Variants in NME7 observed in about 807,000 individuals in gnomAD.
NME7 encodes the protein nucleoside diphosphate kinase 7.
Under a neutral mutation model 49.1 loss-of-function variants are expected in NME7, and 41 were observed. The ratio of observed to expected loss-of-function variants is 0.83; its 90% confidence interval spans 0.65 to 1.08. The LOEUF (loss-of-function observed/expected upper bound fraction) is 1.08, where lower values mean the gene tolerates loss of function less well. Ranked by LOEUF, NME7 falls within the 50% of genes least tolerant of loss-of-function variation. The pLI, the probability that NME7 is intolerant of heterozygous loss-of-function variation, is 0.00. For synonymous variants in NME7, 139 were observed against 150.6 expected (o/e 0.92, Z 0.56); for missense variants, 423 against 463.4 (o/e 0.91, Z 0.80).
intron 11 of NME7, among the ~76,000 whole-genome samples, chr1:169,163,219 A>C (rs922152199): frequency 6.6e-6 from 1 of 152,054 alleles, no homozygotes; most frequent in Non-Finnish European, 1.5e-5. Context: ...AGTGGAGAAG[A>C]GGGGAGGCGT....
chr1:169,139,101 G>A (rs926512401), intron 11 of NME7, among the ~76,000 whole-genome samples: 4 of 152,134 alleles, frequency 2.6e-5, no homozygotes, highest in African/African-American at 9.7e-5. Flanking sequence ...GGTATTCTCT[G>A]AGAGTTTTCT....
intron 4 of NME7, among the ~76,000 whole-genome samples, chr1:169,308,396 G>A (rs1651261621): frequency 6.6e-6 from 1 of 152,084 alleles, no homozygotes; most frequent in African/African-American, 2.4e-5. Context: ...GAAGATATCT[G>A]ACCAAAAACA....
rs954196039 is a variant in NME7, at chr1:169,266,265, A to G, written c.754+21038T>C. Among the ~76,000 whole-genome samples, 18 of 133,908 alleles carry G rather than the reference A, an allele frequency of 1.3e-4. 1 individual carries two copies. The highest frequency in any genetic ancestry group is 4.6e-4 in the African/African-American group (18 of 39,472). 87.8% of individuals were successfully genotyped at this position (133,908 alleles called of 152,430 possible). A position where few individuals can be genotyped will look rare whatever the true frequency, so the allele number is the denominator to read the frequency against. On this transcript the variant is annotated intron_variant, in intron 7 of 11. Transcript: ENST00000367811. ...CAGCACATCAAAAAGTGAATCCACC[A>G]TGATCAAGTAGGCTTTATCCTTGGG... is the stretch of plus-strand genomic sequence containing the variant.
At chr1:169,350,289 A>G (rs868512119) in intron 1 of NME7, among the ~76,000 whole-genome samples, 242 of 20,544 alleles carry the variant, frequency 0.012, 1 homozygote, top group African/African-American at 0.034. Context: ...AAGGAAGGAA[A>G]GAGCCCTGCT....
At chr1:169,251,161 T>C (rs1224118898) in intron 7 of NME7, among the ~76,000 whole-genome samples, 2 of 152,148 alleles carry the variant, frequency 1.3e-5, no homozygotes, top group Non-Finnish European at 2.9e-5. Context: ...GCTCCAGTGT[T>C]AAGTGTATAT....
chr1:169,330,468 A>G (rs1451317247), intron 1 of NME7, among the ~76,000 whole-genome samples: 1 of 152,162 alleles, frequency 6.6e-6, no homozygotes, highest in Non-Finnish European at 1.5e-5. Context: ...TCACGAGGTC[A>G]GGAGTTCAAG....
chr1:169,190,522 CT>C (rs34764111), intron 10 of NME7: 1,108 of 246,198 alleles, frequency 4.5e-3, no homozygotes, highest in South Asian at 9.9e-3. Flanking sequence ...AATTTTTCTT[CT>C]TTTTTTTTTG....
At chr1:169,164,083 C>T (rs1313235790) in intron 11 of NME7, among the ~76,000 whole-genome samples, 1 of 149,706 alleles carries the variant, frequency 6.7e-6, no homozygotes, top group African/African-American at 2.5e-5. Flanking sequence ...GCACTCCAGC[C>T]TGGGCAACAG....
chr1:169,227,526 T>G (rs1349935909), intron 10 of NME7, among the ~76,000 whole-genome samples: 2 of 152,220 alleles, frequency 1.3e-5, no homozygotes, highest in Non-Finnish European at 2.9e-5. Context: ...AAGAAATAAC[T>G]AAGTTCTGAA....
intron 1 of NME7, among the ~76,000 whole-genome samples, chr1:169,351,451 C>T (rs570109068): frequency 1.3e-5 from 2 of 151,232 alleles, no homozygotes; most frequent in Admixed American, 1.3e-4. Flanking sequence ...AAATTTATAG[C>T]TCTAAGTGCC....
At chr1:169,194,290 C>A (rs1206852819) in intron 10 of NME7, among the ~76,000 whole-genome samples, 2 of 152,124 alleles carry the variant, frequency 1.3e-5, no homozygotes. Context: ...CGACATAGTT[C>A]TGTTTAAATA....
intron 10 of NME7, among the ~76,000 whole-genome samples, chr1:169,188,249 A>G (rs922595125): frequency 6.6e-6 from 1 of 152,136 alleles, no homozygotes; most frequent in African/African-American, 2.4e-5. Context: ...AATGTCTATA[A>G]GTATTTTATT....
At chr1:169,286,294 G>GT (rs777663358) in intron 7 of NME7, 8 of 151,986 alleles carry the variant, frequency 5.3e-5, no homozygotes, top group African/African-American at 7.2e-5. Flanking sequence ...ATTTTTAATG[G>GT]TTTTTTATTT....
At chr1:169,367,595 CG>C (rs1653927148) in intron 1 of NME7, 112 bp downstream of exon 1, 15 of 1,183,998 alleles carry the variant, frequency 1.3e-5, no homozygotes, top group East Asian at 7.0e-5. Flanking sequence ...AAAGAGATAA[CG>C]GGGAGAAGGT....
intron 4 of NME7, among the ~76,000 whole-genome samples, chr1:169,307,370 T>C (rs971896180): frequency 2.0e-5 from 3 of 152,188 alleles, no homozygotes; most frequent in Admixed American, 6.5e-5. Context: ...GGTAAGAGAT[T>C]TGTGTTCAGA....
At position 169,270,506 on chromosome 1, in the gene NME7, T is replaced by C. The variant is rs16862058; in HGVS notation, c.754+16797A>G. Among the ~76,000 whole-genome samples, 1,043 of 134,196 alleles carry C rather than the reference T, an allele frequency of 7.8e-3. 136 individuals are homozygous for C. The highest frequency in any genetic ancestry group is 0.025 in the African/African-American group (975 of 39,708). The allele number at this position is 134,196 out of a possible 152,430, so 88.0% of individuals were successfully genotyped here. A position where few individuals can be genotyped will look rare whatever the true frequency, so the allele number is the denominator to read the frequency against. The stretch of plus-strand genomic sequence containing the variant: ...TTTATTCCTTTAACAATGACTACAT[T>C]TTTCTCCCTGTAGATGATGAATGTA... On this transcript the variant is annotated intron_variant, in intron 7 of 11. Coordinates refer to ENST00000367811, the MANE Select transcript of NME7 (RefSeq NM_013330.5).
At chr1:169,305,829 A>G (rs1007145769) in intron 4 of NME7, among the ~76,000 whole-genome samples, 3 of 152,196 alleles carry the variant, frequency 2.0e-5, no homozygotes, top group Non-Finnish European at 4.4e-5. Context: ...CTACCATTAT[A>G]AAGTCTTTTG....
chr1:169,355,657 A>C (rs1280728195), intron 1 of NME7, among the ~76,000 whole-genome samples: 1 of 151,740 alleles, frequency 6.6e-6, no homozygotes, highest in Non-Finnish European at 1.5e-5. Flanking sequence ...TAGGATTCCC[A>C]GGGCTCTCCA....
At chr1:169,158,066 C>T (rs1314740664) in intron 11 of NME7, among the ~76,000 whole-genome samples, 4 of 152,174 alleles carry the variant, frequency 2.6e-5, no homozygotes, top group African/African-American at 9.7e-5. Flanking sequence ...TGCCCCTACT[C>T]ACTGGGACAG....
Sources: gnomAD v4.1 joint callset for allele counts (sites outside exome capture counted in the v4.1 genomes callset) on GRCh38, gnomAD v4.1.1 for gene constraint, MANE v1.5 for transcripts, NCBI Gene and HGNC (gene_info 2026-07-23, HGNC 2026-07-21) for gene names.